ARHGAP23: variants seen among roughly 807,000 people sequenced by gnomAD.
The protein encoded by ARHGAP23 is rho GTPase-activating protein 23.
Under a neutral mutation model 136.3 loss-of-function variants are expected in ARHGAP23, and 34 were observed. The ratio of observed to expected loss-of-function variants is 0.25; its 90% confidence interval spans 0.19 to 0.33. The LOEUF is 0.33. Among genes scored for constraint, ARHGAP23 ranks in the 10% least tolerant of loss-of-function variants. The pLI, the probability that ARHGAP23 is intolerant of heterozygous loss-of-function variation, is 1.00. For missense variants in ARHGAP23, 1,808 were observed against 2,139.0 expected, an observed-to-expected ratio of 0.85 and a Z score of 3.05; for synonymous variants, 832 against 920.5, an observed-to-expected ratio of 0.90 and a Z score of 1.74.
rs982199051 is a variant in ARHGAP23, at chr17:38,499,988, G to A, written c.3416-609G>A. On this transcript the variant is annotated intron_variant, in intron 22 of 23. Transcript: ENST00000622683. Reference sequence around the variant, plus strand: ...GATAACTGGGGACCCTGCCCATGAGGCAGGGTGACCCCAGGTCCGGAGGTG... The same window carrying A: ...GATAACTGGGGACCCTGCCCATGAGACAGGGTGACCCCAGGTCCGGAGGTG... Among the ~76,000 whole-genome samples the A allele has an allele frequency of 3.9e-5, 6 of 152,236 alleles. No homozygotes were observed. In the Middle Eastern group the frequency reaches 0.01, roughly 261 times the overall value.
intron 1 of ARHGAP23, among the ~76,000 whole-genome samples, chr17:38,422,379 C>T (rs1046301082): frequency 1.3e-5 from 2 of 152,190 alleles, no homozygotes; most frequent in Non-Finnish European, 2.9e-5. Flanking sequence ...TGAGTGACGG[C>T]ATGGTTTTTG....
intron 1 of ARHGAP23, among the ~76,000 whole-genome samples, chr17:38,449,784 G>A (rs1393626151): frequency 6.6e-6 from 1 of 152,270 alleles, no homozygotes; most frequent in African/African-American, 2.4e-5. Flanking sequence ...TTGGGGTGGG[G>A]GCATTGTTTG....
rs1406423866 is a variant in ARHGAP23, at chr17:38,469,252, C to T, written c.1757C>T (p.Ser586Phe). 3 of 1,551,614 alleles carry T rather than the reference C, an allele frequency of 1.9e-6. No homozygotes were observed. Among genetic ancestry groups the T allele is most frequent in the Non-Finnish European group, 1.7e-6 (2 of 1,146,846 alleles). ...CCTGTCCTGGGCACCAGCCCATCTT[C>T]CCCGACCTTCACTTTCACCCTCGGA... ...SAPVLGTSPS[S>F]PTFTFTLGRH... is the part of the protein sequence containing the mutation. Residue 586 changes from serine (S) to phenylalanine (F), a missense_variant, in exon 8 of 24, where the codon TCC (serine) becomes TTC (phenylalanine). Coordinates refer to ENST00000622683, the MANE Select transcript of ARHGAP23 (RefSeq NM_001199417.2).
In ARHGAP23 at chr17:38,510,362, C is replaced by A. The variant is rs1229055362; in HGVS notation, c.3866C>A (p.Thr1289Asn). 3 of 1,248,726 alleles carry A rather than the reference C, an allele frequency of 2.4e-6. No homozygotes were observed. Among genetic ancestry groups the A allele is most frequent in the Non-Finnish European group, 1.0e-6 (1 of 997,874 alleles). 77.4% of individuals were successfully genotyped at this position (1,248,726 alleles called of 1,614,324 possible). A position where few individuals can be genotyped will look rare whatever the true frequency, so the allele number is the denominator to read the frequency against. Reference protein sequence around the residue: ...RSELSHVETDTEGAAGAGPGG... With the variant: ...RSELSHVETDNEGAAGAGPGG... ...GAGCTGAGCCACGTGGAGACGGACA[C>A]TGAGGGCGCGGCGGGCGCGGGGCCT... The change falls in exon 24 of 24, where the codon ACT (threonine) becomes AAT (asparagine). Residue 1289 changes from threonine to asparagine, a missense_variant. Thr to Asn is a moderately conservative substitution (Grantham distance 65, BLOSUM62 0). This residue lies in a region of ARHGAP23 where 506 missense variants were observed against 455.8 expected (regional missense o/e 1.11). Coordinates refer to ENST00000622683, the MANE Select transcript of ARHGAP23 (RefSeq NM_001199417.2). The surrounding 1 kb of genome is among the most constrained non-coding windows in gnomAD (Gnocchi z 4.6).
intron 20 of ARHGAP23, among the ~76,000 whole-genome samples, chr17:38,495,326 G>A (rs1236744800): frequency 2.6e-5 from 4 of 151,568 alleles, no homozygotes; most frequent in Admixed American, 2.6e-4. Flanking sequence ...CCAGCTCCTG[G>A]GCTCAAGTGA....
Position 38,490,132 on chromosome 17 carries a change from G to A in ARHGAP23, c.3017G>A (p.Arg1006His). Reference protein sequence around the residue: ...DKYNDFIEANRIEDARERMRT... With the variant: ...DKYNDFIEANHIEDARERMRT... ...TACAACGACTTCATCGAGGCCAACC[G>A]CATTGAGGACGCGCGGGAGCGAATG... The change falls in exon 18 of 24, where the codon CGC becomes CAC. Residue 1006 changes from arginine to histidine, a missense_variant. Arg to His is a conservative substitution (Grantham distance 29). Coordinates refer to ENST00000622683, the MANE Select transcript of ARHGAP23 (RefSeq NM_001199417.2). The A allele has an allele frequency of 1.3e-6, 2 of 1,551,794 alleles. No homozygotes were observed. Among genetic ancestry groups the A allele is most frequent in the Non-Finnish European group, 1.7e-6 (2 of 1,146,878 alleles).
chr17:38,447,087 C>A (rs1042235119), intron 1 of ARHGAP23, among the ~76,000 whole-genome samples: 2 of 152,132 alleles, frequency 1.3e-5, no homozygotes, highest in Non-Finnish European at 2.9e-5. Flanking sequence ...TGTGCCTGGC[C>A]ACAGACACAC....
chr17:38,426,870 C>T (rs1219302887), upstream of ARHGAP23, among the ~76,000 whole-genome samples: 1 of 152,132 alleles, frequency 6.6e-6, no homozygotes, highest in Non-Finnish European at 1.5e-5. Flanking sequence ...CCTGAGTTCC[C>T]AACCCTGATC....
intron 11 of ARHGAP23, among the ~76,000 whole-genome samples, chr17:38,476,869 T>G (rs34711568): frequency 0.38 from 57,176 of 152,060 alleles, 11,428 homozygotes; most frequent in East Asian, 0.6. Flanking sequence ...CCGTGGGGAC[T>G]AGTCTCCTGG....
chr17:38,482,189 G>C (rs1276813416), intron 15 of ARHGAP23, 46 bp downstream of exon 15: 1 of 1,536,998 alleles, frequency 6.5e-7, no homozygotes, highest in African/African-American at 1.4e-5. Flanking sequence ...GGGGGAGACC[G>C]AGGCACAGAG....
chr17:38,447,996 T>TGGAGACCCTGCCAGCCTGGCACC (rs1359915922), intron 1 of ARHGAP23, among the ~76,000 whole-genome samples: 1 of 152,172 alleles, frequency 6.6e-6, no homozygotes, highest in Non-Finnish European at 1.5e-5. Flanking sequence ...CCTCTGGCAC[T>TGGAGACCCTGCCAGCCTGGCACC]GGAGACCCTG....
intron 10 of ARHGAP23, among the ~76,000 whole-genome samples, chr17:38,470,800 G>C (rs2039734333): frequency 1.3e-5 from 2 of 152,048 alleles, no homozygotes; most frequent in African/African-American, 2.4e-5. Flanking sequence ...GCCTCCCAAA[G>C]TGTTGGGATT....
At chr17:38,496,171 T>A (rs1371295052) in intron 20 of ARHGAP23, among the ~76,000 whole-genome samples, 1 of 152,204 alleles carries the variant, frequency 6.6e-6, no homozygotes, top group Middle Eastern at 3.2e-3. Context: ...GTGCTGGGAT[T>A]ACAGATGTGA....
At chr17:38,455,442 G>C (rs951197845) in intron 1 of ARHGAP23, among the ~76,000 whole-genome samples, 1 of 152,122 alleles carries the variant, frequency 6.6e-6, no homozygotes, top group African/African-American at 2.4e-5. Flanking sequence ...GGTGAGGAGG[G>C]GACCCGGAGA....
At chr17:38,498,347 C>A (rs571827831) in intron 21 of ARHGAP23, 67 bp from the exon 22 acceptor site, 75 of 1,311,334 alleles carry the variant, frequency 5.7e-5, no homozygotes, top group Non-Finnish European at 7.6e-5. Flanking sequence ...ATCAGGGCAC[C>A]CCCCTCTGGG....
At chr17:38,480,542 G>A (rs2040012053) in intron 14 of ARHGAP23, among the ~76,000 whole-genome samples, 1 of 151,968 alleles carries the variant, frequency 6.6e-6, no homozygotes, top group African/African-American at 2.4e-5. Context: ...GCTGAGGCAG[G>A]AGAATGGCAT....
intron 1 of ARHGAP23, among the ~76,000 whole-genome samples, chr17:38,430,250 G>A (rs1457623580): frequency 6.6e-6 from 1 of 152,134 alleles, no homozygotes; most frequent in Non-Finnish European, 1.5e-5. Flanking sequence ...CAGTGCCCAG[G>A]CAAGAACCCA....
In ARHGAP23 at chr17:38,482,158, C is replaced by G; in HGVS notation, c.2751+15C>G. On this transcript the variant is annotated intron_variant, in intron 15 of 23. Transcript: ENST00000622683. ...CGGAGAACCAGGTGAGTCTCTGCCA[C>G]ACGCCAGAGCAGGCCCAGCAGGGGG... The G allele has an allele frequency of 4.5e-6, 7 of 1,546,038 alleles. No individual in the cohort carries two copies. The highest frequency in any genetic ancestry group is 6.1e-6 in the Non-Finnish European group (7 of 1,145,608).
chr17:38,466,750 G>C lies in ARHGAP23; in HGVS notation c.1067G>C (p.Ser356Thr), dbSNP rs765757668. 46 of 1,548,014 alleles carry C rather than the reference G, an allele frequency of 3.0e-5. No individual in the cohort carries two copies. Among genetic ancestry groups the C allele is most frequent in the Non-Finnish European group, 4.0e-5 (46 of 1,145,800 alleles). The change falls in exon 7 of 24, where the codon AGC (serine) becomes ACC (threonine). Residue 356 changes from serine (S) to threonine (T), a missense_variant. By Grantham distance (58) the Ser-to-Thr change is moderately conservative. Coordinates refer to ENST00000622683, the MANE Select transcript of ARHGAP23 (RefSeq NM_001199417.2). ...CGAGCTCGCTCAGATGACTACTTGA[G>C]CCGGGCCACCCGTTCTGCCGAGGCA... is the stretch of plus-strand genomic sequence containing the variant. ...WHRARSDDYLSRATRSAEALG... is the reference protein window; with the variant it reads ...WHRARSDDYLTRATRSAEALG...
Sources: gnomAD v4.1 joint callset for allele counts (sites outside exome capture counted in the v4.1 genomes callset) on GRCh38, gnomAD v4.1.1 for gene constraint, gnomAD v4.1.1 regional missense constraint, Gnocchi (gnomAD v3.1) non-coding constraint, MANE v1.5 for transcripts, NCBI Gene and HGNC (gene_info 2026-07-23, HGNC 2026-07-21) for gene names.